EFCAB5: variants seen among roughly 807,000 people sequenced by gnomAD.
EFCAB5 encodes the protein EF-hand calcium binding domain 5, also known as EF-hand calcium-binding domain-containing protein 5.
In EFCAB5, 131 loss-of-function variants were observed where a neutral mutation model predicts 167.9. That is an observed-to-expected ratio of 0.78 (90% CI 0.68 to 0.90). The LOEUF (loss-of-function observed/expected upper bound fraction) is 0.90. EFCAB5 is among the 40% of genes least tolerant of loss of function. The probability of loss-of-function intolerance (pLI) is 0.00; values close to 1 mark genes in which losing one functional copy is unlikely to be tolerated. For missense variants in EFCAB5, 1,663 were observed against 1,745.2 expected, an observed-to-expected ratio of 0.95 and a Z score of 0.84; for synonymous variants, 574 against 602.8, an observed-to-expected ratio of 0.95 and a Z score of 0.70.
At chr17:30,044,117 C>A (rs750061372) in intron 8 of EFCAB5, among the ~76,000 whole-genome samples, 1 of 151,728 alleles carries the variant, frequency 6.6e-6, no homozygotes, top group Non-Finnish European at 1.5e-5. Flanking sequence ...AATGGGCATG[C>A]CAGAAAAGAA....
chr17:30,100,646 A>G (rs890271208), intron 22 of EFCAB5, among the ~76,000 whole-genome samples: 1 of 152,204 alleles, frequency 6.6e-6, no homozygotes, highest in Non-Finnish European at 1.5e-5. Context: ...AGGCACCTGT[A>G]ATCCCAGCTA....
At chr17:29,990,106 T>C (rs7209288) in intron 4 of EFCAB5, among the ~76,000 whole-genome samples, 146,672 of 152,256 alleles carry the variant, frequency 0.96, 70,682 homozygotes, top group East Asian at 1. Context: ...TTGAAGAGTC[T>C]CAAGTTGTCC....
rs929550797 is a variant in EFCAB5 at position 30,073,749 on chromosome 17, T to C, written c.2738-4466T>C. 6 of 694,626 alleles carry C rather than the reference T, an allele frequency of 8.6e-6. 1 individual carries two copies. Among genetic ancestry groups the C allele is most frequent in the South Asian group, 7.7e-5 (5 of 64,552 alleles). 43.0% of individuals were successfully genotyped at this position (694,626 alleles called of 1,614,324 possible). On this transcript the variant is annotated intron_variant, in intron 14 of 22. Coordinates refer to ENST00000394835, the MANE Select transcript of EFCAB5 (RefSeq NM_198529.4). ...TGAGTTTTGACAAATACATGCCCTA[T>C]GCATCCCATACTCCTATCAAGATAC...
chr17:30,059,476 A>G, intron 13 of EFCAB5, 69 bp from the exon 14 acceptor site: 1 of 1,437,704 alleles, frequency 7.0e-7, no homozygotes, highest in Non-Finnish European at 9.2e-7. Flanking sequence ...TTTTTGGAAT[A>G]AACACAGAAT....
chr17:29,961,747 C>A (rs1483370430), intron 3 of EFCAB5, among the ~76,000 whole-genome samples: 1 of 151,992 alleles, frequency 6.6e-6, no homozygotes, highest in Non-Finnish European at 1.5e-5. Context: ...CATCACCAAG[C>A]CTGGCTAATT....
intron 4 of EFCAB5, among the ~76,000 whole-genome samples, chr17:29,973,541 G>A (rs1410292111): frequency 2.0e-5 from 3 of 147,288 alleles, no homozygotes; most frequent in Non-Finnish European, 3.0e-5. Flanking sequence ...GTGCAGTGGC[G>A]GGATCTTGGC....
chr17:29,967,122 A>G (rs966837987), intron 3 of EFCAB5, among the ~76,000 whole-genome samples: 17 of 152,246 alleles, frequency 1.1e-4, no homozygotes, highest in Non-Finnish European at 8.8e-5. Context: ...CATTTGTTCT[A>G]TTTAATGGTA....
chr17:30,009,633 T>C (rs1343964276), intron 7 of EFCAB5, among the ~76,000 whole-genome samples: 1 of 152,172 alleles, frequency 6.6e-6, no homozygotes, highest in African/African-American at 2.4e-5. Flanking sequence ...TATCCACTCA[T>C]CAGTTGGTGG....
At chr17:30,017,528 T>C (rs1353004565) in intron 7 of EFCAB5, among the ~76,000 whole-genome samples, 1 of 152,104 alleles carries the variant, frequency 6.6e-6, no homozygotes, top group Non-Finnish European at 1.5e-5. Context: ...TAATTGTACT[T>C]GACTCCAACA....
chr17:30,011,851 A>G (rs1327996526), intron 7 of EFCAB5, among the ~76,000 whole-genome samples: 1 of 152,214 alleles, frequency 6.6e-6, no homozygotes, highest in Admixed American at 6.5e-5. Context: ...CTGTTCCAGT[A>G]TAATAAAATA....
chr17:30,035,324 A>G (rs1323718108), intron 8 of EFCAB5, among the ~76,000 whole-genome samples: 1 of 152,198 alleles, frequency 6.6e-6, no homozygotes, highest in Admixed American at 6.5e-5. Flanking sequence ...GCTGTAACAA[A>G]CATAGTGGGA....
chr17:30,025,974 A>T (rs925185299), intron 7 of EFCAB5, among the ~76,000 whole-genome samples: 3 of 151,510 alleles, frequency 2.0e-5, no homozygotes, highest in Non-Finnish European at 4.4e-5. Flanking sequence ...AACAATGAGA[A>T]CACATGGACA....
chr17:30,011,830 G>A (rs1284008230), intron 7 of EFCAB5, among the ~76,000 whole-genome samples: 4 of 152,256 alleles, frequency 2.6e-5, no homozygotes, highest in East Asian at 1.9e-4. Flanking sequence ...GCAAGAGACC[G>A]AGGACGCGAG....
rs370508834 is a variant in EFCAB5, at chr17:29,993,250, C to T, written c.853C>T (p.Arg285Trp). 25 of 1,613,638 alleles carry T rather than the reference C, an allele frequency of 1.5e-5. No individual in the cohort carries two copies. The highest frequency in any genetic ancestry group is 4.0e-5 in the African/African-American group (3 of 74,902). ...AATCATAGTCAAGGTGGCCAACACA[C>T]GGAAACAGGCTCTGCAGGAGCAATT... ...DKIIVKVANT[R>W]KQALQEQFDE... is the part of the protein sequence containing the mutation. Residue 285 changes from arginine to tryptophan, a missense_variant, in exon 5 of 23, where the codon CGG becomes TGG. Physicochemically the swap from Arg to Trp is moderately radical, Grantham distance 101. Transcript: ENST00000394835.
intron 4 of EFCAB5, among the ~76,000 whole-genome samples, chr17:29,974,143 G>A (rs1276647629): frequency 6.8e-6 from 1 of 146,260 alleles, no homozygotes; most frequent in African/African-American, 2.6e-5. Context: ...GTGTGACAGA[G>A]TGAAACTCTA....
At chr17:30,079,664 C>T (rs987250233) in intron 15 of EFCAB5, among the ~76,000 whole-genome samples, 10 of 152,054 alleles carry the variant, frequency 6.6e-5, no homozygotes, top group African/African-American at 9.7e-5. Context: ...TCACAGTCGA[C>T]GGTCAAGAAA....
In EFCAB5 at chr17:29,996,376, A is replaced by T. The variant is rs1449343746; in HGVS notation, c.973+16A>T. ...TTCAAGCTTGGTAAGTCTGCCTATTACTCTGATATTTTTATTTTTATTTCT... is the reference window on the plus strand; with the variant it reads ...TTCAAGCTTGGTAAGTCTGCCTATTTCTCTGATATTTTTATTTTTATTTCT... On this transcript the variant is annotated intron_variant, in intron 6 of 22. Transcript: ENST00000394835. 2 of 1,537,192 alleles carry T rather than the reference A, an allele frequency of 1.3e-6. No homozygotes were observed. Among genetic ancestry groups the T allele is most frequent in the Non-Finnish European group, 1.8e-6 (2 of 1,138,660 alleles).
At chr17:30,008,425 C>G (rs1286874304) in intron 7 of EFCAB5, among the ~76,000 whole-genome samples, 2 of 152,024 alleles carry the variant, frequency 1.3e-5, no homozygotes, top group African/African-American at 4.8e-5. Context: ...AATCCTGTCT[C>G]TACCAAAAAT....
At chr17:30,030,529 G>A (rs1287890223) in intron 7 of EFCAB5, among the ~76,000 whole-genome samples, 2 of 152,156 alleles carry the variant, frequency 1.3e-5, no homozygotes, top group African/African-American at 4.8e-5. Context: ...TTTTAGTAGA[G>A]ATGAGGTTTC....
Sources: allele counts gnomAD v4.1 joint callset (sites outside exome capture counted in the v4.1 genomes callset), GRCh38; gene constraint gnomAD v4.1.1; transcripts MANE v1.5; gene names NCBI Gene and HGNC (gene_info 2026-07-23, HGNC 2026-07-21).